Variants in KCNA2 observed in about 807,000 individuals in gnomAD.
KCNA2 encodes potassium voltage-gated channel subfamily A member 2, also known as potassium channel, voltage gated shaker related subfamily A, member 2.
KCNA2 carries 11 observed loss-of-function variants against 33.4 expected under a neutral mutation model. That is an observed-to-expected ratio of 0.33 (90% CI 0.21 to 0.55). The LOEUF (loss-of-function observed/expected upper bound fraction) is 0.55. Among genes scored for constraint, KCNA2 ranks in the 20% least tolerant of loss-of-function variants. The pLI is 0.93. For synonymous variants in KCNA2, 222 were observed against 231.3 expected, an observed-to-expected ratio of 0.96 and a Z score of 0.37; for missense variants, 291 against 621.6, an observed-to-expected ratio of 0.47 and a Z score of 5.66.
chr1:110,619,184 T>C (rs1650166110), intron 1 of KCNA2, among the ~76,000 whole-genome samples: 1 of 152,090 alleles, frequency 6.6e-6, no homozygotes, highest in Non-Finnish European at 1.5e-5. Context: ...CTGTCCCCAC[T>C]CCCTGGGAGA....
At chr1:110,607,444 G>C (rs1203216120), upstream of KCNA2, 2 of 152,330 alleles carry the variant, frequency 1.3e-5, no homozygotes, top group Non-Finnish European at 2.9e-5. Flanking sequence ...CTGGCTCGAC[G>C]GCGAACTCGA....
chr1:110,617,413 T>C lies in KCNA2; in HGVS notation c.-495-11691A>G, dbSNP rs570926979. On this transcript the variant is annotated intron_variant, in intron 1 of 4. Transcript: ENST00000369770. ...AAGACTGAGAAAGGCCTTGAAGTCA[T>C]GCTGAGGAGTTCAGGTTGTCCTGTA... 1.8e-4 allele frequency among the ~76,000 whole-genome samples: 28 copies of C among 152,266 alleles called. No individual in the cohort carries two copies. The South Asian group carries it at 2.3e-3, about 12-fold the overall frequency.
intron 1 of KCNA2, among the ~76,000 whole-genome samples, chr1:110,627,121 G>A (rs1237003831): frequency 1.3e-5 from 2 of 152,204 alleles, no homozygotes; most frequent in East Asian, 3.8e-4. Flanking sequence ...CAGACATGGT[G>A]CAGCACCACG....
At chr1:110,607,026 C>T (rs998989465), upstream of KCNA2, among the ~76,000 whole-genome samples, 1 of 151,536 alleles carries the variant, frequency 6.6e-6, no homozygotes, top group Non-Finnish European at 1.5e-5. Flanking sequence ...GGGTCCCGAG[C>T]CCATTCTGTG....
chr1:110,613,139 C>T (rs1054400313), intron 1 of KCNA2, among the ~76,000 whole-genome samples: 4 of 152,188 alleles, frequency 2.6e-5, no homozygotes, highest in African/African-American at 4.8e-5. Context: ...CCAGCAGCCC[C>T]CTGGCCAGAA....
chr1:110,605,091 C>T (rs1197508318), intron 2 of KCNA2, 146 bp from the exon 3 acceptor site: 5 of 415,098 alleles, frequency 1.2e-5, no homozygotes, highest in Non-Finnish European at 2.2e-5. Context: ...TTTACTTTCA[C>T]CTTGTAACTT....
Position 110,602,552 on chromosome 1 carries a change from G to A in KCNA2, c.*731C>T, listed in dbSNP as rs1405072944. 1 of 1,051,658 alleles carries A rather than the reference G, an allele frequency of 9.5e-7. No individual in the cohort carries two copies. The highest frequency in any genetic ancestry group is 1.1e-6 in the Non-Finnish European group (1 of 872,104). The allele number at this position is 1,051,658 out of a possible 1,614,324, so 65.1% of individuals were successfully genotyped here. On this transcript the variant is annotated 3_prime_UTR_variant, in exon 3 of 3. Coordinates refer to ENST00000316361, the MANE Select transcript of KCNA2 (RefSeq NM_004974.4). ...AGCCTGCAAAAATGGTGAAATCAGA[G>A]GCTTAGAGGTCTGTTGGTTTGTTAG...
chr1:110,622,305 T>A (rs1487143006), intron 1 of KCNA2, among the ~76,000 whole-genome samples: 1 of 152,142 alleles, frequency 6.6e-6, no homozygotes, highest in Non-Finnish European at 1.5e-5. Context: ...TCACTTGTGA[T>A]AACATCTTTC....
chr1:110,599,950 A>G lies in KCNA2; in HGVS notation c.*3333T>C. ...AGGAAGGTGAATTGGTAGAGACCCC[A>G]TGCAATTCCTGGTCTTAGTCAGATA... On this transcript the variant is annotated 3_prime_UTR_variant, in exon 3 of 3. Transcript: ENST00000316361. 1 of 985,352 alleles carries G rather than the reference A, an allele frequency of 1.0e-6. No individual in the cohort carries two copies. The highest frequency in any genetic ancestry group is 1.2e-6 in the Non-Finnish European group (1 of 829,924). 61.0% of individuals were successfully genotyped at this position (985,352 alleles called of 1,614,324 possible). A position where few individuals can be genotyped will look rare whatever the true frequency, so the allele number is the denominator to read the frequency against.
chr1:110,613,795 C>G (rs533491602), intron 1 of KCNA2, among the ~76,000 whole-genome samples: 5 of 152,164 alleles, frequency 3.3e-5, no homozygotes, highest in Non-Finnish European at 5.9e-5. Context: ...AGGCAAGAAC[C>G]ACGGTTTGAA....
intron 2 of KCNA2, 63 bp from the exon 3 acceptor site, chr1:110,605,008 C>A (rs780567815): frequency 8.4e-5 from 45 of 535,470 alleles, no homozygotes; most frequent in Non-Finnish European, 1.3e-4. Flanking sequence ...ACCTGGGTTG[C>A]CACTTTTTGT....
Position 110,604,367 on chromosome 1 carries a change from G to A in KCNA2, c.416C>T (p.Pro139Leu). The A allele has an allele frequency of 6.2e-7, 1 of 1,612,638 alleles. No individual in the cohort carries two copies. Among genetic ancestry groups the A allele is most frequent in the Non-Finnish European group, 8.5e-7 (1 of 1,179,512 alleles). Residue 139 changes from proline (P) to leucine (L), a missense_variant, in exon 3 of 3, where the codon CCT becomes CTT. Pro to Leu is a moderately conservative substitution (Grantham distance 98). Transcript: ENST00000316361. The surrounding 1 kb of genome is among the most constrained non-coding windows in gnomAD (Gnocchi z 7.6). The stretch of plus-strand genomic sequence containing the variant: ...TCTCTGAAACTCATTTTCAGGCAGA[G>A]GACGCTCTTCCTCCTTGATGTAGCC... Reference protein sequence around the residue: ...DEGYIKEEERPLPENEFQRQV... With the variant: ...DEGYIKEEERLLPENEFQRQV...
Position 110,593,823 on chromosome 1 carries a change from C to T in KCNA2, c.*9460G>A. 2 of 1,541,554 alleles carry T rather than the reference C, an allele frequency of 1.3e-6. No individual in the cohort carries two copies. Among genetic ancestry groups the T allele is most frequent in the East Asian group, 4.9e-5 (2 of 40,692 alleles). ...CTACTGACACAGGAACTCTCAGCTG[C>T]AGAAGTCCTGGGTGGGGCAGTGTTG... On this transcript the variant is annotated 3_prime_UTR_variant, in exon 3 of 3. Coordinates refer to ENST00000316361, the MANE Select transcript of KCNA2 (RefSeq NM_004974.4).
At chr1:110,610,620 G>A (rs1250497648), upstream of KCNA2, among the ~76,000 whole-genome samples, 1 of 152,230 alleles carries the variant, frequency 6.6e-6, no homozygotes, top group East Asian at 1.9e-4. Context: ...GATCAAGACT[G>A]TGTGACTTTA....
intron 1 of KCNA2, among the ~76,000 whole-genome samples, chr1:110,623,125 G>T (rs1450024110): frequency 2.0e-5 from 3 of 152,196 alleles, no homozygotes; most frequent in Non-Finnish European, 4.4e-5. Context: ...TAGACAAATA[G>T]ATCAATGGAG....
chr1:110,596,963 T>A lies in KCNA2; in HGVS notation c.*6320A>T. The stretch of plus-strand genomic sequence containing the variant: ...GGGACTCTTCTGAAGCCCCTGGCTA[T>A]GTGTGCAAATATTTGTGCAGCTGCA... On this transcript the variant is annotated 3_prime_UTR_variant, in exon 3 of 3. Coordinates refer to ENST00000316361, the MANE Select transcript of KCNA2 (RefSeq NM_004974.4). The A allele has an allele frequency of 1.0e-6, 1 of 985,462 alleles. No homozygotes were observed. Among genetic ancestry groups the A allele is most frequent in the Non-Finnish European group, 1.2e-6 (1 of 829,944 alleles). The allele number at this position is 985,462 out of a possible 1,614,324, so 61.0% of individuals were successfully genotyped here.
At chr1:110,620,951 A>G (rs1650242003) in intron 1 of KCNA2, among the ~76,000 whole-genome samples, 1 of 152,218 alleles carries the variant, frequency 6.6e-6, no homozygotes, top group Non-Finnish European at 1.5e-5. Flanking sequence ...CACTCTCACT[A>G]AAGTGTGAGA....
At chr1:110,620,160 A>G (rs1251590533) in intron 1 of KCNA2, among the ~76,000 whole-genome samples, 1 of 151,874 alleles carries the variant, frequency 6.6e-6, no homozygotes, top group East Asian at 1.9e-4. Context: ...GATATCCCTA[A>G]CATACCCCTG....
At position 110,597,880 on chromosome 1, in the gene KCNA2, A is replaced by G; in HGVS notation, c.*5403T>C. The G allele has an allele frequency of 1.0e-6, 1 of 985,452 alleles. No individual in the cohort carries two copies. Among genetic ancestry groups the G allele is most frequent in the Non-Finnish European group, 1.2e-6 (1 of 829,932 alleles). 61.0% of individuals were successfully genotyped at this position (985,452 alleles called of 1,614,324 possible). ...GATTTGGTGGGAAGGGAAGCAGAAA[A>G]AAAGGAAAAGTAAACTAGGTTAGTT... On this transcript the variant is annotated 3_prime_UTR_variant, in exon 3 of 3. Transcript: ENST00000316361.
Sources: gnomAD v4.1 joint callset for allele counts (sites outside exome capture counted in the v4.1 genomes callset) on GRCh38, gnomAD v4.1.1 for gene constraint, Gnocchi (gnomAD v3.1) non-coding constraint, MANE v1.5 for transcripts, NCBI Gene and HGNC (gene_info 2026-07-23, HGNC 2026-07-21) for gene names.